The following CLCNKB variants were observed in gnomAD, a reference collection of about 807,000 sequenced individuals.
CLCNKB encodes the protein chloride channel protein ClC-Kb.
In CLCNKB, 74 loss-of-function variants were observed where a neutral mutation model predicts 83.8. The ratio of observed to expected loss-of-function variants is 0.88; its 90% confidence interval spans 0.73 to 1.07. CLCNKB has a LOEUF of 1.07. CLCNKB is among the 50% of genes least tolerant of loss of function. CLCNKB has a pLI of 0.00. For missense variants in CLCNKB, 798 were observed against 893.6 expected, an observed-to-expected ratio of 0.89 and a Z score of 1.36; for synonymous variants, 358 against 356.6, an observed-to-expected ratio of 1.00 and a Z score of -0.04.
chr1:16,053,565 C>T, intron 15 of CLCNKB, 74 bp from the exon 16 acceptor site: 1 of 1,609,738 alleles, frequency 6.2e-7, no homozygotes, highest in African/African-American at 1.3e-5. Flanking sequence ...AGCAAAGCTC[C>T]CCACAGATCC....
intron 4 of CLCNKB, among the ~76,000 whole-genome samples, chr1:16,047,639 T>A (rs1570331171): frequency 6.6e-6 from 1 of 152,016 alleles, no homozygotes; most frequent in East Asian, 1.9e-4. Flanking sequence ...CGAAGTGGTC[T>A]CCACCTATAG....
At chr1:16,053,919 C>G in intron 16 of CLCNKB, 147 bp downstream of exon 16, 6 of 1,126,060 alleles carry the variant, frequency 5.3e-6, no homozygotes, top group Non-Finnish European at 6.4e-6. Flanking sequence ...TCACCTGAGC[C>G]TCAGTTTCCT....
In CLCNKB at chr1:16,050,543, C is replaced by T. The variant is rs757796536; in HGVS notation, c.996C>T (p.Thr332=). 1 of 1,614,122 alleles carries T rather than the reference C, an allele frequency of 6.2e-7. No individual in the cohort carries two copies. The highest frequency in any genetic ancestry group is 8.5e-7 in the Non-Finnish European group (1 of 1,180,014). ...TSKPVYSALA[T]LVLASITYPP... ...AGCCTGTGTACTCCGCTCTGGCCAC[C>T]TTGGTTCTCGCCTCCATCACCTACC... The change falls in exon 11 of 20, where the codon ACC becomes ACT. Residue 332 remains threonine, a synonymous_variant. Transcript: ENST00000375679.
At chr1:16,049,050 T>G in intron 7 of CLCNKB, 70 bp from the exon 8 acceptor site, 1 of 1,611,192 alleles carries the variant, frequency 6.2e-7, no homozygotes, top group Non-Finnish European at 8.5e-7. Context: ...GGAGGTGACA[T>G]GGGGAGGGGG....
rs537502221 is a variant in CLCNKB, at chr1:16,044,211, G to C, written c.-7-275G>C. Among the ~76,000 whole-genome samples, 22 of 148,700 alleles carry C rather than the reference G, an allele frequency of 1.5e-4. No homozygotes were observed. The East Asian group carries it at 3.5e-3, about 23-fold the overall frequency. On this transcript the variant is annotated intron_variant, in intron 1 of 19. Coordinates refer to ENST00000375679, the MANE Select transcript of CLCNKB (RefSeq NM_000085.5). The stretch of plus-strand genomic sequence containing the variant: ...GGGCTCTGAGCAGGGCTTGGGCTCC[G>C]GCCTGTGCCCAGTCTGCTGCTGGAC...
intron 2 of CLCNKB, 84 bp downstream of exon 2, chr1:16,044,676 C>T: frequency 8.8e-7 from 1 of 1,140,938 alleles, no homozygotes; most frequent in Non-Finnish European, 1.3e-6. Flanking sequence ...CCTCCCTGCC[C>T]AGGAACCACC....
chr1:16,046,964 G>A lies in CLCNKB; in HGVS notation c.358+301G>A, dbSNP rs117104325. Among the ~76,000 whole-genome samples the A allele has an allele frequency of 1.3e-3, 193 of 152,324 alleles. 2 individuals carry two copies. The East Asian group carries it at 0.035, about 28-fold the overall frequency. On this transcript the variant is annotated intron_variant, in intron 4 of 19. Coordinates refer to ENST00000375679, the MANE Select transcript of CLCNKB (RefSeq NM_000085.5). ...GGAGGAGGCACAGCTCCCCCAGGCCGCTCAGCCCTGCCTCCTGCTCCAGGC... is the reference window on the plus strand; with the variant it reads ...GGAGGAGGCACAGCTCCCCCAGGCCACTCAGCCCTGCCTCCTGCTCCAGGC...
Position 16,051,753 on chromosome 1 carries a change from C to T in CLCNKB, c.1341C>T (p.Ile447=), listed in dbSNP as rs1233827472. The T allele has an allele frequency of 6.2e-7, 1 of 1,613,858 alleles. No individual in the cohort carries two copies. The highest frequency in any genetic ancestry group is 2.2e-5 in the East Asian group (1 of 44,886). Residue 447 remains isoleucine (I), a synonymous_variant, in exon 14 of 20, where the codon ATC becomes ATT. Transcript: ENST00000375679. ...TCTTTGGGGAGACTCTCTCTTTTAT[C>T]TTCCCTGAGGGCATCGTGGCTGGAG... ...GRLFGETLSF[I]FPEGIVAGGI...
At position 16,052,497 on chromosome 1, in the gene CLCNKB, C is replaced by T. The variant is rs148988884; in HGVS notation, c.1622+86C>T. On this transcript the variant is annotated intron_variant, in intron 15 of 19. Transcript: ENST00000375679. ...TGAAGGGCACCTCGAAAAAGAAACG[C>T]CACCGTAGCTGACCTCGGACATGGG... The T allele has an allele frequency of 7.2e-6, 11 of 1,537,382 alleles. No individual in the cohort carries two copies. The Admixed American group carries it at 1.2e-4, about 17-fold the overall frequency.
rs1338256049 is a variant in CLCNKB, at chr1:16,050,889, G to A, written c.1068G>A (p.Gln356=). 3 of 1,612,118 alleles carry A rather than the reference G, an allele frequency of 1.9e-6. No homozygotes were observed. The highest frequency in any genetic ancestry group is 2.5e-6 in the Non-Finnish European group (3 of 1,179,916). Reference sequence around the variant, plus strand: ...CCCCGCCACAGCTGTCCATGAAGCAGCATCTGGACTCGCTGTTCGACAACC... The same window carrying A: ...CCCCGCCACAGCTGTCCATGAAGCAACATCTGGACTCGCTGTTCGACAACC... ...RFLASRLSMK[Q]HLDSLFDNHS... The change falls in exon 12 of 20, where the codon CAG becomes CAA. Residue 356 remains glutamine (Q), a synonymous_variant. Transcript: ENST00000375679.
rs761281486 is a variant in CLCNKB at position 16,045,633 on chromosome 1, T to G, written c.176T>G (p.Leu59Arg). 6.2e-7 allele frequency: 1 copy of G among 1,614,066 alleles called. No homozygotes were observed. Among genetic ancestry groups the G allele is most frequent in the Non-Finnish European group, 8.5e-7 (1 of 1,179,930 alleles). The change falls in exon 3 of 20, where the codon CTC (leucine) becomes CGC (arginine). Residue 59 changes from leucine (L) to arginine (R), a missense_variant. Transcript: ENST00000375679. ...DWYFLMTLGV[L>R]MALVSCAMDL... ...TACTTCCTGATGACCCTCGGGGTGC[T>G]CATGGCCCTGGTCAGCTGTGCCATG...
At position 16,049,810 on chromosome 1, in the gene CLCNKB, C is replaced by A. The variant is rs746700040; in HGVS notation, c.867-5C>A. 7 of 1,613,730 alleles carry A rather than the reference C, an allele frequency of 4.3e-6. No homozygotes were observed. The highest frequency in any genetic ancestry group is 8.5e-7 in the Non-Finnish European group (1 of 1,179,892). On this transcript the variant is annotated splice_polypyrimidine_tract_variant and splice_region_variant and intron_variant, in intron 9 of 19. Transcript: ENST00000375679. ...GCTCTGGGCTCATGTCTCCATGCTC[C>A]CCAGGGGTCTCTGTGGCATCCTGGG... is the stretch of plus-strand genomic sequence containing the variant.
intron 11 of CLCNKB, 134 bp from the exon 12 acceptor site, chr1:16,050,741 G>A (rs2023260543): frequency 2.0e-6 from 3 of 1,501,456 alleles, no homozygotes; most frequent in Non-Finnish European, 1.8e-6. Flanking sequence ...AGCTTCGGGA[G>A]GTCAGAGCCC....
At position 16,051,359 on chromosome 1, in the gene CLCNKB, G is replaced by T. The variant is rs1570339040; in HGVS notation, c.1228-119G>T. ...CCCTAATGCCAGACTCTGGCAGTGG[G>T]TGCATGGCCGGCACCCTCTTTCTCT... On this transcript the variant is annotated intron_variant, in intron 12 of 19. Coordinates refer to ENST00000375679, the MANE Select transcript of CLCNKB (RefSeq NM_000085.5). The T allele has an allele frequency of 2.3e-6, 3 of 1,312,300 alleles. No homozygotes were observed. The East Asian group carries it at 6.9e-5, about 30-fold the overall frequency. The allele number at this position is 1,312,300 out of a possible 1,614,324, so 81.3% of individuals were successfully genotyped here.
chr1:16,051,312 A>T (rs2023283011), intron 12 of CLCNKB, among the ~76,000 whole-genome samples, 166 bp from the exon 13 acceptor site: 1 of 152,112 alleles, frequency 6.6e-6, no homozygotes, highest in African/African-American at 2.4e-5. Flanking sequence ...TACAGTGGGC[A>T]TTTCTCAGGG....
At chr1:16,046,694 C>T in intron 4 of CLCNKB, 31 bp downstream of exon 4, 6 of 1,538,582 alleles carry the variant, frequency 3.9e-6, no homozygotes, top group Non-Finnish European at 5.3e-6. Context: ...CCAGTCCCCA[C>T]TGGCCAAAAC....
rs1319385402 is a variant in CLCNKB at position 16,055,488 on chromosome 1, A to G, written c.1810A>G (p.Lys604Glu). The change falls in exon 17 of 20, where the codon AAG (lysine) becomes GAG (glutamate). Residue 604 changes from lysine to glutamate, a missense_variant. Coordinates refer to ENST00000375679, the MANE Select transcript of CLCNKB (RefSeq NM_000085.5). ...VRRAQLVQAL[K>E]AEPPSWAPGH... ...AAGGGCCCAGCTGGTGCAGGCCCTG[A>G]AGGCTGAGCCTCCTTCCTGGGCTCC... 3.7e-6 allele frequency: 6 copies of G among 1,610,570 alleles called. No homozygotes were observed. In the Admixed American group the frequency reaches 1.0e-4, roughly 27 times the overall value.
intron 2 of CLCNKB, among the ~76,000 whole-genome samples, chr1:16,045,180 G>A (rs1322137845): frequency 6.6e-6 from 1 of 152,188 alleles, no homozygotes; most frequent in Non-Finnish European, 1.5e-5. Flanking sequence ...GGACACGCAG[G>A]AGTCTGCTAG....
Position 16,056,521 on chromosome 1 carries a change from C to G in CLCNKB, c.2016+13C>G, listed in dbSNP as rs542862775. ...GTCCTGGGTGGAGGTACCAGGGTCC[C>G]GGGGGCAGAGCAAAGCAGGGAACCT... On this transcript the variant is annotated intron_variant, in intron 19 of 19. Transcript: ENST00000375679. The G allele has an allele frequency of 3.0e-6, 4 of 1,322,172 alleles. No individual in the cohort carries two copies. Among genetic ancestry groups the G allele is most frequent in the Non-Finnish European group, 4.0e-6 (4 of 1,000,750 alleles). 81.9% of individuals were successfully genotyped at this position (1,322,172 alleles called of 1,614,324 possible). A position where few individuals can be genotyped will look rare whatever the true frequency, so the allele number is the denominator to read the frequency against.
Sources: allele counts gnomAD v4.1 joint callset (sites outside exome capture counted in the v4.1 genomes callset), GRCh38; gene constraint gnomAD v4.1.1; transcripts MANE v1.5; gene names NCBI Gene and HGNC (gene_info 2026-07-23, HGNC 2026-07-21).